The following BCAR3 variants were observed in gnomAD, a reference collection of about 807,000 sequenced individuals.
BCAR3 encodes the protein BCAR3 adaptor protein, NSP family member.
BCAR3 carries 37 observed loss-of-function variants against 80.1 expected under a neutral mutation model. That is an observed-to-expected ratio of 0.46 (90% CI 0.36 to 0.61). BCAR3 has a LOEUF of 0.61. BCAR3 is among the 20% of genes least tolerant of loss of function. The probability of loss-of-function intolerance (pLI) is 0.00; values close to 1 mark genes in which losing one functional copy is unlikely to be tolerated. For synonymous variants in BCAR3, 389 were observed against 418.9 expected (o/e 0.93, Z 0.87); for missense variants, 978 against 1,068.2 (o/e 0.92, Z 1.18).
At chr1:93,584,210 A>G in intron 5 of BCAR3, 89 bp from the exon 6 acceptor site, 1 of 1,060,666 alleles carries the variant, frequency 9.4e-7, no homozygotes, top group Non-Finnish European at 1.4e-6. Flanking sequence ...AAACAAAAAC[A>G]AAAAAAAAGA....
chr1:93,577,858 CT>C lies in BCAR3; in HGVS notation c.1687-1730del, dbSNP rs148962102. The stretch of plus-strand genomic sequence containing the variant: ...AAACCTGGCAGATGGGCGGCGGCCC[CT>C]GCTCTCCAGTCTGCATTTCGTCGGC... On this transcript the variant is annotated intron_variant, in intron 7 of 11. Transcript: ENST00000260502. Among the ~76,000 whole-genome samples the C allele has an allele frequency of 9.9e-3, 1,508 of 152,352 alleles. 24 individuals are homozygous for C. Among genetic ancestry groups the C allele is most frequent in the African/African-American group, 0.035 (1,437 of 41,580 alleles).
rs547911071 is a variant in BCAR3 at position 93,610,953 on chromosome 1, C to T, written c.358-18560G>A. On this transcript the variant is annotated intron_variant, in intron 3 of 11. Coordinates refer to ENST00000260502, the MANE Select transcript of BCAR3 (RefSeq NM_003567.4). Reference sequence around the variant, plus strand: ...AAAAAGAAAGAGCACTAGGCTTCAGCCCAGAAAATCTGCTTTCTATTCCTA... The same window carrying T: ...AAAAAGAAAGAGCACTAGGCTTCAGTCCAGAAAATCTGCTTTCTATTCCTA... 5.9e-5 allele frequency among the ~76,000 whole-genome samples: 9 copies of T among 152,126 alleles called. No homozygotes were observed. The East Asian group carries it at 1.7e-3, about 29-fold the overall frequency.
intron 2 of BCAR3, among the ~76,000 whole-genome samples, chr1:93,836,180 T>C (rs1313776974): frequency 6.6e-6 from 1 of 152,186 alleles, no homozygotes; most frequent in Non-Finnish European, 1.5e-5. Context: ...GTACAGCCCA[T>C]TTAAGCTCCT....
At chr1:93,675,925 C>CAAAAAAAAAAAAAAAAAAAAAAAAGAAAA (rs1648459844) in intron 1 of BCAR3, among the ~76,000 whole-genome samples, 1 of 51,456 alleles carries the variant, frequency 1.9e-5, no homozygotes, top group Non-Finnish European at 4.2e-5. Flanking sequence ...AAATAGGAGA[C>CAAAAAAAAAAAAAAAAAAAAAAAAGAAAA]AAAAAAAAAA....
At chr1:93,631,653 C>T (rs1675623692) in intron 3 of BCAR3, among the ~76,000 whole-genome samples, 1 of 152,226 alleles carries the variant, frequency 6.6e-6, no homozygotes. Context: ...TTGAGTCTCT[C>T]AGTCATCCCT....
chr1:93,581,186 G>A (rs922528217), intron 7 of BCAR3, among the ~76,000 whole-genome samples: 3 of 151,644 alleles, frequency 2.0e-5, no homozygotes, highest in Admixed American at 1.3e-4. Flanking sequence ...AGGTGACAAT[G>A]TAAATATTTA....
intron 3 of BCAR3, among the ~76,000 whole-genome samples, chr1:93,609,556 C>T (rs1316456843): frequency 6.6e-6 from 1 of 152,190 alleles, no homozygotes; most frequent in Non-Finnish European, 1.5e-5. Flanking sequence ...CCCCTGTCCA[C>T]AAAAATACCT....
chr1:93,721,892 T>A (rs1650416405), intron 2 of BCAR3, among the ~76,000 whole-genome samples: 1 of 152,226 alleles, frequency 6.6e-6, no homozygotes, highest in Admixed American at 6.5e-5. Context: ...GAGTGCCTAC[T>A]GGCTATGAGG....
intron 2 of BCAR3, among the ~76,000 whole-genome samples, chr1:93,820,164 T>A (rs1011317072): frequency 6.6e-6 from 1 of 152,250 alleles, no homozygotes; most frequent in African/African-American, 2.4e-5. Context: ...CTGTGGAAAT[T>A]GGTAAGAATA....
chr1:93,596,089 T>A (rs1350382971), intron 3 of BCAR3, among the ~76,000 whole-genome samples: 1 of 152,270 alleles, frequency 6.6e-6, no homozygotes, highest in Non-Finnish European at 1.5e-5. Context: ...CCCCTCTGTG[T>A]GGCTATCTGT....
At chr1:93,709,352 C>A (rs756823916) in intron 2 of BCAR3, among the ~76,000 whole-genome samples, 12 of 152,334 alleles carry the variant, frequency 7.9e-5, no homozygotes, top group African/African-American at 2.4e-4. Context: ...AGCCAGCCTG[C>A]GGTCTGTTCA....
intron 2 of BCAR3, among the ~76,000 whole-genome samples, chr1:93,828,903 G>C (rs1654465009): frequency 6.6e-6 from 1 of 152,118 alleles, no homozygotes; most frequent in African/African-American, 2.4e-5. Context: ...ATGTTGCCAG[G>C]CTGGTCTTGA....
At chr1:93,642,083 C>T (rs1484508931) in intron 3 of BCAR3, among the ~76,000 whole-genome samples, 1 of 152,138 alleles carries the variant, frequency 6.6e-6, no homozygotes, top group Non-Finnish European at 1.5e-5. Context: ...TAAAACACAC[C>T]TGGCTCTAAG....
intron 2 of BCAR3, among the ~76,000 whole-genome samples, chr1:93,647,631 A>G (rs983722744): frequency 3.9e-5 from 6 of 152,278 alleles, no homozygotes; most frequent in Admixed American, 3.9e-4. Flanking sequence ...TCTGCTTCCA[A>G]AGAGACCCTC....
In BCAR3 at chr1:93,589,223, G is replaced by A. The variant is rs1281224597; in HGVS notation, c.683C>T (p.Pro228Leu). Residue 228 changes from proline (P) to leucine (L), a missense_variant, in exon 5 of 12, where the codon CCC (proline) becomes CTC (leucine). Pro to Leu is a moderately conservative substitution (Grantham distance 98). Coordinates refer to ENST00000260502, the MANE Select transcript of BCAR3 (RefSeq NM_003567.4). Reference sequence around the variant, plus strand: ...GCCCACGTAGCAGCGCACCAGGCCGGGGATGGAGTCGAAGCTCTCCATCTC... The same window carrying A: ...GCCCACGTAGCAGCGCACCAGGCCGAGGATGGAGTCGAAGCTCTCCATCTC... ...QFEMESFDSI[P>L]GLVRCYVGNR... 1.2e-6 allele frequency: 2 copies of A among 1,613,918 alleles called. No homozygotes were observed. The highest frequency in any genetic ancestry group is 2.2e-5 in the East Asian group (1 of 44,892).
At chr1:93,708,049 G>A (rs1649884939) in intron 2 of BCAR3, among the ~76,000 whole-genome samples, 1 of 152,216 alleles carries the variant, frequency 6.6e-6, no homozygotes, top group Admixed American at 6.5e-5. Context: ...GGGGAGGGGT[G>A]CGGGAGGGTT....
intron 2 of BCAR3, among the ~76,000 whole-genome samples, chr1:93,814,389 G>A (rs1223717733): frequency 6.6e-6 from 1 of 152,180 alleles, no homozygotes; most frequent in Non-Finnish European, 1.5e-5. Context: ...CTCACAGGAT[G>A]GTTGAGGGCG....
At chr1:93,587,050 C>T (rs1265596574) in intron 5 of BCAR3, among the ~76,000 whole-genome samples, 1 of 152,236 alleles carries the variant, frequency 6.6e-6, no homozygotes, top group African/African-American at 2.4e-5. Context: ...GTTGGGATTA[C>T]AGGCGTGAGC....
chr1:93,624,817 G>A (rs183461028), intron 3 of BCAR3, among the ~76,000 whole-genome samples: 41 of 152,356 alleles, frequency 2.7e-4, no homozygotes, highest in East Asian at 3.9e-4. Context: ...CTGCAGAGGC[G>A]TGAGGGATGA....
Sources: gnomAD v4.1 joint callset for allele counts (sites outside exome capture counted in the v4.1 genomes callset) on GRCh38, gnomAD v4.1.1 for gene constraint, MANE v1.5 for transcripts, NCBI Gene and HGNC (gene_info 2026-07-23, HGNC 2026-07-21) for gene names.